Variants in AFF3 observed in about 807,000 individuals in gnomAD.
The protein encoded by AFF3 is AF4/FMR2 family member 3.
A neutral mutation model predicts 129.7 loss-of-function variants in AFF3; 32 were observed. The observed-to-expected ratio is 0.25, with a 90% CI of 0.19 to 0.33. AFF3 has a LOEUF of 0.33. AFF3 is among the 10% of genes least tolerant of loss of function. The pLI is 1.00. For synonymous variants in AFF3, 644 were observed against 635.4 expected (o/e 1.01, Z -0.20); for missense variants, 1,373 against 1,592.0 (o/e 0.86, Z 2.34).
intron 8 of AFF3, among the ~76,000 whole-genome samples, chr2:99,829,303 A>T (rs1330129337): frequency 6.6e-6 from 1 of 152,216 alleles, no homozygotes; most frequent in African/African-American, 2.4e-5. Flanking sequence ...AATTAAACTA[A>T]AAAGCTTCTG....
At position 99,797,142 on chromosome 2, in the gene AFF3, A is replaced by G. The variant is rs184091787; in HGVS notation, c.921+40335T>C. On this transcript the variant is annotated intron_variant, in intron 8 of 24. Transcript: ENST00000672756. ...TGCAACCCATAGTGAGAAAAAAATA[A>G]GACAACCCAGAAAGGCCACAGGTGT... 2.1e-3 allele frequency among the ~76,000 whole-genome samples: 322 copies of G among 152,324 alleles called. 2 individuals are homozygous for G. Among genetic ancestry groups the G allele is most frequent in the African/African-American group, 7.4e-3 (308 of 41,588 alleles).
At chr2:99,942,538 G>A (rs2106347280) in intron 7 of AFF3, among the ~76,000 whole-genome samples, 1 of 137,340 alleles carries the variant, frequency 7.3e-6, no homozygotes, top group East Asian at 2.6e-4. Flanking sequence ...AATTAAGTGG[G>A]GGGAGGGGCG....
chr2:99,784,113 T>C (rs1684607731), intron 8 of AFF3, among the ~76,000 whole-genome samples: 1 of 152,212 alleles, frequency 6.6e-6, no homozygotes, highest in African/African-American at 2.4e-5. Context: ...CCAGTGGCTC[T>C]AGCATAAGTG....
At chr2:99,600,571 C>A (rs918452412) in intron 14 of AFF3, among the ~76,000 whole-genome samples, 4 of 152,120 alleles carry the variant, frequency 2.6e-5, no homozygotes, top group Admixed American at 1.3e-4. Flanking sequence ...TATGGCCCCC[C>A]CAAATGGTAC....
At chr2:99,783,492 A>C (rs913927273) in intron 8 of AFF3, among the ~76,000 whole-genome samples, 1 of 152,224 alleles carries the variant, frequency 6.6e-6, no homozygotes, top group African/African-American at 2.4e-5. Context: ...CTCACGAGAG[A>C]AGAAAGATGC....
chr2:100,017,918 T>C (rs1000948627), intron 4 of AFF3, among the ~76,000 whole-genome samples: 2 of 152,184 alleles, frequency 1.3e-5, no homozygotes, highest in African/African-American at 4.8e-5. Context: ...ACCTTCATCC[T>C]TTGTTAGTAA....
chr2:99,700,926 A>G (rs1676787055), intron 11 of AFF3, among the ~76,000 whole-genome samples: 1 of 152,186 alleles, frequency 6.6e-6, no homozygotes, highest in Admixed American at 6.5e-5. Context: ...TGAGCGTGAG[A>G]CGGTCACGTG....
At chr2:99,591,148 A>T (rs994746589) in intron 15 of AFF3, among the ~76,000 whole-genome samples, 2 of 152,098 alleles carry the variant, frequency 1.3e-5, no homozygotes, top group African/African-American at 4.8e-5. Flanking sequence ...TATTAATATT[A>T]TGTGAAGAAA....
intron 2 of AFF3, among the ~76,000 whole-genome samples, chr2:100,113,616 A>G (rs1456450422): frequency 3.3e-5 from 5 of 152,220 alleles, no homozygotes; most frequent in African/African-American, 1.2e-4. Flanking sequence ...ATAACGTATT[A>G]CCTGCTATGA....
chr2:100,075,644 A>T (rs754700358), intron 4 of AFF3, among the ~76,000 whole-genome samples: 1 of 152,210 alleles, frequency 6.6e-6, no homozygotes, highest in Non-Finnish European at 1.5e-5. Context: ...GGAAATAATT[A>T]TGGAAATTTC....
rs1308130144 is a variant in AFF3 at position 100,132,934 on chromosome 2, G to T, written c.-227-3628C>A. On this transcript the variant is annotated intron_variant, in intron 1 of 24. Transcript: ENST00000672756. ...TGGGTTTTCTCAATGTTCTGTTTTT[G>T]TTTTTTTTTTTTAGATACGGGGTTT... Among the ~76,000 whole-genome samples the T allele has an allele frequency of 9.2e-5, 13 of 141,078 alleles. No individual in the cohort carries two copies. In the East Asian group the frequency reaches 2.4e-3, roughly 27 times the overall value. 92.6% of individuals were successfully genotyped at this position (141,078 alleles called of 152,430 possible).
intron 8 of AFF3, among the ~76,000 whole-genome samples, chr2:99,819,973 C>T (rs1332642419): frequency 1.3e-5 from 2 of 152,168 alleles, no homozygotes; most frequent in Non-Finnish European, 2.9e-5. Context: ...CATAGAGCTC[C>T]ATGGAAGGCA....
At chr2:100,120,287 T>C (rs1691904975) in intron 2 of AFF3, among the ~76,000 whole-genome samples, 1 of 152,170 alleles carries the variant, frequency 6.6e-6, no homozygotes, top group East Asian at 1.9e-4. Flanking sequence ...GTCACAGAAT[T>C]TACCCCCATT....
intron 15 of AFF3, 31 bp downstream of exon 15, chr2:99,593,164 G>GC (rs143390383): frequency 2.0e-6 from 3 of 1,527,016 alleles, no homozygotes; most frequent in South Asian, 2.6e-5. Context: ...TCCCCTCCAC[G>GC]CCCCCGCACC....
Position 99,694,149 on chromosome 2 carries a change from C to T in AFF3, c.1092-21560G>A, listed in dbSNP as rs148806233. ...TTGCTCTCAGGTGATCCGCCTGCCT[C>T]GGCCTCCCAAAGTACTGGAATTACA... On this transcript the variant is annotated intron_variant, in intron 11 of 24. Coordinates refer to ENST00000672756, the MANE Select transcript of AFF3 (RefSeq NM_001386135.1). Among the ~76,000 whole-genome samples the T allele has an allele frequency of 3.5e-3, 527 of 151,812 alleles. 3 individuals are homozygous for T. The highest frequency in any genetic ancestry group is 0.012 in the African/African-American group (498 of 41,482).
intron 4 of AFF3, among the ~76,000 whole-genome samples, chr2:100,025,049 T>C (rs1245363808): frequency 6.6e-6 from 1 of 152,168 alleles, no homozygotes; most frequent in African/African-American, 2.4e-5. Context: ...CCCTTTAAAC[T>C]ATCTATAAAC....
At chr2:99,684,779 T>C (rs959458121) in intron 11 of AFF3, among the ~76,000 whole-genome samples, 5 of 150,514 alleles carry the variant, frequency 3.3e-5, no homozygotes, top group African/African-American at 1.2e-4. Flanking sequence ...GCCCAGCCCA[T>C]GAATTCAGCT....
At chr2:100,109,708 T>A (rs1388456045) in intron 2 of AFF3, 3 of 152,198 alleles carry the variant, frequency 2.0e-5, no homozygotes, top group Non-Finnish European at 4.4e-5. Context: ...GTCAACTGGG[T>A]GCTGTTCTAA....
At chr2:99,917,117 G>A (rs1286329446) in intron 7 of AFF3, among the ~76,000 whole-genome samples, 2 of 152,174 alleles carry the variant, frequency 1.3e-5, no homozygotes, top group Admixed American at 6.5e-5. Context: ...TGGCAGATAA[G>A]GGTTTAATAA....
Sources: allele counts gnomAD v4.1 joint callset (sites outside exome capture counted in the v4.1 genomes callset), GRCh38; gene constraint gnomAD v4.1.1; transcripts MANE v1.5; gene names NCBI Gene and HGNC (gene_info 2026-07-23, HGNC 2026-07-21).